Variants in BRIP1 observed in about 807,000 individuals in gnomAD.
BRIP1 encodes Fanconi anemia group J protein.
Under a neutral mutation model 119.7 loss-of-function variants are expected in BRIP1, and 88 were observed. The observed-to-expected ratio is 0.74, with a 90% CI of 0.62 to 0.88. BRIP1 has a LOEUF of 0.88. Among genes scored for constraint, BRIP1 ranks in the 40% least tolerant of loss-of-function variants. The pLI, the probability that BRIP1 is intolerant of heterozygous loss-of-function variation, is 0.00. For synonymous variants in BRIP1, 443 were observed against 496.5 expected, an observed-to-expected ratio of 0.89 and a Z score of 1.43; for missense variants, 1,259 against 1,455.4, an observed-to-expected ratio of 0.87 and a Z score of 2.20.
rs2061679479 is a variant in BRIP1, at chr17:61,705,558, AT to A, written c.2492+10392del. ...TATTTTTGTTACAATTCATCAATTT[AT>A]ACTTGTTTTTATTACTCCTTTTTTT... On this transcript the variant is annotated intron_variant, in intron 17 of 19. Transcript: ENST00000259008. This position sits in a 1 kb window ranked among gnomAD's most constrained non-coding sequence, Gnocchi z 5.0. Among the ~76,000 whole-genome samples the A allele has an allele frequency of 6.6e-6, 1 of 152,126 alleles. No individual in the cohort carries two copies. The highest frequency in any genetic ancestry group is 1.5e-5 in the Non-Finnish European group (1 of 68,012).
At position 61,740,100 on chromosome 17, in the gene BRIP1, C is replaced by A. The variant is rs1358537823; in HGVS notation, c.2379+2913G>T. On this transcript the variant is annotated intron_variant, in intron 16 of 19. Transcript: ENST00000259008. The surrounding 1 kb of genome is among the most constrained non-coding windows in gnomAD (Gnocchi z 5.4). ...TTAGGTGAACTCCATTATCCCAGTTCTCTGCTTGGGTATAATTTCCTGACC... is the reference window on the plus strand; with the variant it reads ...TTAGGTGAACTCCATTATCCCAGTTATCTGCTTGGGTATAATTTCCTGACC... Among the ~76,000 whole-genome samples, 1 of 152,088 alleles carries A rather than the reference C, an allele frequency of 6.6e-6. No individual in the cohort carries two copies. Among genetic ancestry groups the A allele is most frequent in the African/African-American group, 2.4e-5 (1 of 41,406 alleles).
intron 6 of BRIP1, among the ~76,000 whole-genome samples, chr17:61,817,887 A>G (rs938480934): frequency 6.6e-5 from 10 of 152,232 alleles, no homozygotes; most frequent in African/African-American, 2.4e-4. Flanking sequence ...TGCAGGTTGC[A>G]GCTCATGAAA....
At chr17:61,821,588 G>A (rs1252413931) in intron 6 of BRIP1, among the ~76,000 whole-genome samples, 4 of 151,504 alleles carry the variant, frequency 2.6e-5, no homozygotes, top group African/African-American at 9.7e-5. Flanking sequence ...GGAGTACAGT[G>A]ATATAATCAT....
chr17:61,862,759 G>T lies in BRIP1; in HGVS notation c.-31+525C>A, dbSNP rs2078988943. Among the ~76,000 whole-genome samples the T allele has an allele frequency of 6.6e-6, 1 of 152,178 alleles. No individual in the cohort carries two copies. The highest frequency in any genetic ancestry group is 1.5e-5 in the Non-Finnish European group (1 of 68,028). ...AATTCAACCTGGGGACGAAGAGATG[G>T]TTAAAATAGCAATTCAATAGATTAT... On this transcript the variant is annotated intron_variant, in intron 1 of 19. Coordinates refer to ENST00000259008, the MANE Select transcript of BRIP1 (RefSeq NM_032043.3). The surrounding 1 kb of genome is among the most constrained non-coding windows in gnomAD (Gnocchi z 5.3).
At position 61,685,832 on chromosome 17, in the gene BRIP1, A is replaced by G. The variant is rs373835270; in HGVS notation, c.2905+4T>C. ...CAAAGGTAAATGGGAAGAACTTTTC[A>G]TACTTTTCTCCTTTCTGGAGATAAT... On this transcript the variant is annotated splice_donor_region_variant and intron_variant, in intron 19 of 19. Coordinates refer to ENST00000259008, the MANE Select transcript of BRIP1 (RefSeq NM_032043.3). The G allele has an allele frequency of 3.7e-6, 6 of 1,602,882 alleles. No homozygotes were observed. The highest frequency in any genetic ancestry group is 4.3e-6 in the Non-Finnish European group (5 of 1,171,160).
chr17:61,828,331 T>C lies in BRIP1; in HGVS notation c.627+18770A>G, dbSNP rs1301460627. Among the ~76,000 whole-genome samples, 1 of 152,140 alleles carries C rather than the reference T, an allele frequency of 6.6e-6. No homozygotes were observed. Among genetic ancestry groups the C allele is most frequent in the Non-Finnish European group, 1.5e-5 (1 of 68,016 alleles). ...AAGGACAAATATTGCATGATTCCAC[T>C]TACATGAGGTATCTAGAGTAGTCAA... On this transcript the variant is annotated intron_variant, in intron 6 of 19. Coordinates refer to ENST00000259008, the MANE Select transcript of BRIP1 (RefSeq NM_032043.3). The surrounding 1 kb of genome is among the most constrained non-coding windows in gnomAD (Gnocchi z 4.1).
At position 61,798,104 on chromosome 17, in the gene BRIP1, A is replaced by G. The variant is rs2077929624; in HGVS notation, c.1340+996T>C. Among the ~76,000 whole-genome samples, 1 of 152,050 alleles carries G rather than the reference A, an allele frequency of 6.6e-6. No individual in the cohort carries two copies. The highest frequency in any genetic ancestry group is 2.4e-5 in the African/African-American group (1 of 41,458). On this transcript the variant is annotated intron_variant, in intron 9 of 19. Coordinates refer to ENST00000259008, the MANE Select transcript of BRIP1 (RefSeq NM_032043.3). The surrounding 1 kb of genome is among the most constrained non-coding windows in gnomAD (Gnocchi z 5.5). The stretch of plus-strand genomic sequence containing the variant: ...TTATGTATGTTCAAAGTTATTCATT[A>G]TAGCAGTTTAAGAGCAAAAAACTAG...
Position 61,693,557 on chromosome 17 carries a change from TAAATC to T in BRIP1, c.2493-50_2493-46del. 6.6e-7 allele frequency: 1 copy of T among 1,510,862 alleles called. No individual in the cohort carries two copies. 93.6% of individuals were successfully genotyped at this position (1,510,862 alleles called of 1,614,324 possible). Reference sequence around the variant, plus strand: ...AGTCAAATAATTATAACATCGGAAATAAATCCAGTTTTCCAGTGGGACAGACAGAA... The same window carrying T: ...AGTCAAATAATTATAACATCGGAAATCAGTTTTCCAGTGGGACAGACAGAA... On this transcript the variant is annotated intron_variant, in intron 17 of 19. Transcript: ENST00000259008. This position sits in a 1 kb window ranked among gnomAD's most constrained non-coding sequence, Gnocchi z 4.2.
At chr17:61,819,102 C>G (rs964135546) in intron 6 of BRIP1, among the ~76,000 whole-genome samples, 1 of 151,646 alleles carries the variant, frequency 6.6e-6, no homozygotes, top group Non-Finnish European at 1.5e-5. Context: ...AGGAGAATCA[C>G]TTGAACCCGG....
chr17:61,792,696 G>T (rs1019692260), intron 10 of BRIP1, among the ~76,000 whole-genome samples: 3 of 152,106 alleles, frequency 2.0e-5, no homozygotes, highest in Admixed American at 2.0e-4. Context: ...GGGATGAATA[G>T]GTGTAACACA....
At chr17:61,817,037 C>T (rs1250035568) in intron 6 of BRIP1, among the ~76,000 whole-genome samples, 1 of 152,116 alleles carries the variant, frequency 6.6e-6, no homozygotes, top group Non-Finnish European at 1.5e-5. Context: ...TGTACCTTTA[C>T]AATGAAGAGA....
chr17:61,683,350 C>T lies in BRIP1; in HGVS notation c.3696G>A (p.Lys1232=), dbSNP rs2061297235. The change falls in exon 20 of 20, where the codon AAG becomes AAA. Residue 1232 remains lysine (K), a synonymous_variant. Transcript: ENST00000259008. The surrounding 1 kb of genome is among the most constrained non-coding windows in gnomAD (Gnocchi z 4.7). ...ELGKTHEIEI[K]NFKPSPSKNK... is the part of the protein sequence containing the mutation. ...TTTTGGAAGGAGATGGTTTAAAGTT[C>T]TTTATTTCTATTTCATGAGTTTTTC... 1 of 1,611,474 alleles carries T rather than the reference C, an allele frequency of 6.2e-7. No individual in the cohort carries two copies. Among genetic ancestry groups the T allele is most frequent in the African/African-American group, 1.3e-5 (1 of 74,846 alleles).
chr17:61,768,991 G>A lies in BRIP1; in HGVS notation c.2097+7410C>T, dbSNP rs2077410202. ...AATAAGCTGCCACGTTGTTGAGAGG[G>A]CGATATGACTAGGACCTGAATGCAA... is the stretch of plus-strand genomic sequence containing the variant. On this transcript the variant is annotated intron_variant, in intron 14 of 19. Transcript: ENST00000259008. The surrounding 1 kb of genome is among the most constrained non-coding windows in gnomAD (Gnocchi z 5.0). 6.6e-6 allele frequency among the ~76,000 whole-genome samples: 1 copy of A among 152,096 alleles called. No individual in the cohort carries two copies. The highest frequency in any genetic ancestry group is 2.1e-4 in the South Asian group (1 of 4,828).
In BRIP1 at chr17:61,767,105, C is replaced by T. The variant is rs1370147995; in HGVS notation, c.2097+9296G>A. On this transcript the variant is annotated intron_variant, in intron 14 of 19. Transcript: ENST00000259008. This position sits in a 1 kb window ranked among gnomAD's most constrained non-coding sequence, Gnocchi z 5.7. Reference sequence around the variant, plus strand: ...TAGATGAACAACGTTCTCACTCTTACCCTTAAACAAATGCTGCAGTTTACA... The same window carrying T: ...TAGATGAACAACGTTCTCACTCTTATCCTTAAACAAATGCTGCAGTTTACA... 6.6e-6 allele frequency among the ~76,000 whole-genome samples: 1 copy of T among 152,088 alleles called. No individual in the cohort carries two copies. The highest frequency in any genetic ancestry group is 1.5e-5 in the Non-Finnish European group (1 of 68,028).
In BRIP1 at chr17:61,822,059, C is replaced by G. The variant is rs1250210635; in HGVS notation, c.628-13302G>C. 6.6e-6 allele frequency among the ~76,000 whole-genome samples: 1 copy of G among 152,084 alleles called. No individual in the cohort carries two copies. Among genetic ancestry groups the G allele is most frequent in the African/African-American group, 2.4e-5 (1 of 41,410 alleles). ...AGCCACCAGTAAAAGAACTAAATGA[C>G]AGAAGACATAATAAAAACCTCGTGT... On this transcript the variant is annotated intron_variant, in intron 6 of 19. Coordinates refer to ENST00000259008, the MANE Select transcript of BRIP1 (RefSeq NM_032043.3). This position sits in a 1 kb window ranked among gnomAD's most constrained non-coding sequence, Gnocchi z 4.4.
chr17:61,801,180 TA>T, intron 8 of BRIP1, 72 bp downstream of exon 8: 1 of 1,424,616 alleles, frequency 7.0e-7, no homozygotes, highest in Non-Finnish European at 9.9e-7. Flanking sequence ...TTAAAACATC[TA>T]AAAGCTTTTA....
rs4968449 is a variant in BRIP1, at chr17:61,778,768, G to A, written c.1935+1493C>T. Among the ~76,000 whole-genome samples the A allele has an allele frequency of 0.99, 150,617 of 152,312 alleles. 74,492 individuals carry two copies. The highest frequency in any genetic ancestry group is 1 in the East Asian group (5,164 of 5,164). On this transcript the variant is annotated intron_variant, in intron 13 of 19. Coordinates refer to ENST00000259008, the MANE Select transcript of BRIP1 (RefSeq NM_032043.3). The surrounding 1 kb of genome is among the most constrained non-coding windows in gnomAD (Gnocchi z 4.4). ...CTGCTGTTCATAGTCACATTTCTCA[G>A]CAGGAACACTCTGGCATTTGGAAAG...
rs1345004552 is a variant in BRIP1 at position 61,734,869 on chromosome 17, A to T, written c.2379+8144T>A. 2.0e-5 allele frequency among the ~76,000 whole-genome samples: 3 copies of T among 152,194 alleles called. No homozygotes were observed. Among genetic ancestry groups the T allele is most frequent in the Non-Finnish European group, 2.9e-5 (2 of 68,024 alleles). On this transcript the variant is annotated intron_variant, in intron 16 of 19. Transcript: ENST00000259008. This position sits in a 1 kb window ranked among gnomAD's most constrained non-coding sequence, Gnocchi z 5.2. ...TGTCACTGCCTTCTTTTTCCCACTC[A>T]AATCACTTTTCTGACTCAATGATCT...
At position 61,780,821 on chromosome 17, in the gene BRIP1, A is replaced by C. The variant is rs752328575; in HGVS notation, c.1794+19T>G. 6.2e-7 allele frequency: 1 copy of C among 1,612,392 alleles called. No individual in the cohort carries two copies. The highest frequency in any genetic ancestry group is 1.3e-5 in the African/African-American group (1 of 74,886). ...TACTGAGCAAGAAGACAAAATTTCCATTTACATGATGAGCTTACCACAGCT... is the reference window on the plus strand; with the variant it reads ...TACTGAGCAAGAAGACAAAATTTCCCTTTACATGATGAGCTTACCACAGCT... On this transcript the variant is annotated intron_variant, in intron 12 of 19. Transcript: ENST00000259008. This position sits in a 1 kb window ranked among gnomAD's most constrained non-coding sequence, Gnocchi z 5.4.
Sources: gnomAD v4.1 joint callset for allele counts (sites outside exome capture counted in the v4.1 genomes callset) on GRCh38, gnomAD v4.1.1 for gene constraint, Gnocchi (gnomAD v3.1) non-coding constraint, MANE v1.5 for transcripts, NCBI Gene and HGNC (gene_info 2026-07-23, HGNC 2026-07-21) for gene names.